The following NBPF12 variants were observed in gnomAD, a reference collection of about 807,000 sequenced individuals.
NBPF12 encodes the protein NBPF member 12.
A neutral mutation model predicts 146.4 loss-of-function variants in NBPF12; 115 were observed. The observed-to-expected ratio is 0.79, with a 90% CI of 0.68 to 0.92. The LOEUF (loss-of-function observed/expected upper bound fraction) is 0.92. Among genes scored for constraint, NBPF12 ranks in the 40% least tolerant of loss-of-function variants. The pLI is 0.00. For missense variants in NBPF12, 1,205 were observed against 1,326.8 expected, an observed-to-expected ratio of 0.91 and a Z score of 1.43; for synonymous variants, 385 against 508.9, an observed-to-expected ratio of 0.76 and a Z score of 3.28.
intron 19 of NBPF12, among the ~76,000 whole-genome samples, chr1:146,980,419 T>G (rs1257663886): frequency 6.6e-6 from 1 of 152,062 alleles, no homozygotes; most frequent in Non-Finnish European, 1.5e-5. Flanking sequence ...TCAATGGTCT[T>G]TAGAGTTTGG....
At chr1:146,948,185 A>G (rs1655155162), upstream of NBPF12, among the ~76,000 whole-genome samples, 1 of 151,728 alleles carries the variant, frequency 6.6e-6, no homozygotes, top group Non-Finnish European at 1.5e-5. Context: ...TAATGTTTGT[A>G]TTTTTGGTAG....
chr1:146,945,458 T>C (rs1655008565), upstream of NBPF12, among the ~76,000 whole-genome samples: 2 of 151,842 alleles, frequency 1.3e-5, no homozygotes, highest in Admixed American at 1.3e-4. Flanking sequence ...ACTGATCTGC[T>C]AGCTGTGTTC....
At position 146,991,363 on chromosome 1, in the gene NBPF12, C is replaced by T; in HGVS notation, c.3796+78C>T. On this transcript the variant is annotated intron_variant, in intron 30 of 33. Transcript: ENST00000617844. ...GGTGACATTCCTGTTCCAAGTGGCC[C>T]TTACTGACCCGAGAGACGTCATTGC... The T allele has an allele frequency of 2.2e-6, 2 of 897,166 alleles. 1 individual carries two copies. The highest frequency in any genetic ancestry group is 3.5e-6 in the Non-Finnish European group (2 of 575,916). 55.6% of individuals were successfully genotyped at this position (897,166 alleles called of 1,614,324 possible).
chr1:146,975,159 C>G (rs1656901699), intron 15 of NBPF12, among the ~76,000 whole-genome samples: 1 of 131,826 alleles, frequency 7.6e-6, no homozygotes, highest in Admixed American at 8.3e-5. Context: ...TGTGCCATCA[C>G]CATCCCACTT....
At chr1:146,949,470 A>AT (rs1314347780) in intron 1 of NBPF12, 48 bp downstream of exon 4, 1 of 128,126 alleles carries the variant, frequency 7.8e-6, no homozygotes, top group Non-Finnish European at 1.6e-5. Flanking sequence ...TGGTCGATTG[A>AT]TTGATTTTTT....
Position 146,951,243 on chromosome 1 carries a change from A to C in NBPF12, c.-325-105A>C. 3 of 672,094 alleles carry C rather than the reference A, an allele frequency of 4.5e-6. No homozygotes were observed. In the South Asian group the frequency reaches 4.9e-5, roughly 11 times the overall value. 41.6% of individuals were successfully genotyped at this position (672,094 alleles called of 1,614,324 possible). On this transcript the variant is annotated intron_variant, in intron 1 of 33. Transcript: ENST00000617844. The stretch of plus-strand genomic sequence containing the variant: ...TTCTCTCAGGCCACACAGGGCACTC[A>C]AGTGAACAGGGCATGGGGGCCCTGG...
chr1:146,941,338 G>A (rs1165949614), intron 1 of NBPF12, among the ~76,000 whole-genome samples: 1 of 151,912 alleles, frequency 6.6e-6, no homozygotes, highest in Admixed American at 6.6e-5. Context: ...ACCTGCCTCG[G>A]CCTCCCAAAG....
chr1:146,942,708 C>T (rs1471449719), intron 1 of NBPF12, among the ~76,000 whole-genome samples: 5 of 145,056 alleles, frequency 3.4e-5, no homozygotes, highest in African/African-American at 7.8e-5. Context: ...GCTTTTGTTA[C>T]TGCAGCATAA....
chr1:146,969,052 G>A (rs1366256039), intron 10 of NBPF12, among the ~76,000 whole-genome samples: 2 of 151,406 alleles, frequency 1.3e-5, no homozygotes, highest in African/African-American at 2.4e-5. Context: ...TGCACTATGT[G>A]TATTTTCACA....
chr1:146,987,708 TG>T (rs1657869876), intron 25 of NBPF12, among the ~76,000 whole-genome samples: 2 of 151,952 alleles, frequency 1.3e-5, no homozygotes, highest in Non-Finnish European at 2.9e-5. Context: ...TCTCTCAGTG[TG>T]TGCGTGTGTC....
At chr1:146,947,622 CT>C (rs1368821091), upstream of NBPF12, among the ~76,000 whole-genome samples, 3 of 122,036 alleles carry the variant, frequency 2.5e-5, no homozygotes, top group African/African-American at 9.6e-5. Context: ...CATTTTGTCA[CT>C]TCCCAAATTC....
At chr1:146,987,733 T>TG (rs1657874825) in intron 25 of NBPF12, among the ~76,000 whole-genome samples, 6 of 146,128 alleles carry the variant, frequency 4.1e-5, no homozygotes, top group South Asian at 2.1e-4. Context: ...GTGTGTGTGT[T>TG]TGTGTGTGTG....
At chr1:146,949,752 G>C (rs1655240676) in intron 1 of NBPF12, among the ~76,000 whole-genome samples, 1 of 151,056 alleles carries the variant, frequency 6.6e-6, no homozygotes, top group Admixed American at 6.6e-5. Flanking sequence ...CTTGTTTGTG[G>C]GGGACTGAGG....
exon 7 of NBPF12, chr1:146,964,407 G>A (rs1656058830): frequency 3.1e-6 from 5 of 1,601,736 alleles, no homozygotes; most frequent in Non-Finnish European, 4.3e-6. Flanking sequence ...GGATGAGAAA[G>A]TACTGGAATC....
At position 146,961,537 on chromosome 1, in the gene NBPF12, A is replaced by C. The variant is rs1270084705; in HGVS notation, c.176-624A>C. Among the ~76,000 whole-genome samples the C allele has an allele frequency of 1.1e-4, 17 of 151,932 alleles. 2 individuals are homozygous for C. Among genetic ancestry groups the C allele is most frequent in the Non-Finnish European group, 1.9e-4 (13 of 68,006 alleles). ...CTAAATTAACACAAACTAATCTTAT[A>C]CTGTTTCTAAATTAACACAACTAAT... is the stretch of plus-strand genomic sequence containing the variant. On this transcript the variant is annotated intron_variant, in intron 4 of 33. Transcript: ENST00000617844.
chr1:146,984,556 G>A (rs1421135478), intron 21 of NBPF12, among the ~76,000 whole-genome samples: 3 of 149,124 alleles, frequency 2.0e-5, no homozygotes, highest in African/African-American at 2.5e-5. Context: ...TGTGTCACCC[G>A]GCCAATTGAC....
intron 19 of NBPF12, among the ~76,000 whole-genome samples, chr1:146,980,380 C>A (rs1657295998): frequency 6.6e-6 from 1 of 151,816 alleles, no homozygotes; most frequent in Admixed American, 6.6e-5. Context: ...GTTATTTCAC[C>A]CGTTAGTTGA....
In NBPF12 at chr1:146,965,791, C is replaced by CAAAAAAAAAAAAAA. The variant is rs1162462110; in HGVS notation, c.779-657_779-644dup. ...TGGGAGACAGAGCGAGACTGCATCTCAAAAAAAAAAAAAAAAAAAAAAAAA... is the reference window on the plus strand; with the variant it reads ...TGGGAGACAGAGCGAGACTGCATCTCAAAAAAAAAAAAAAAAAAAAAAAAAAAAAAAAAAAAAAA... On this transcript the variant is annotated intron_variant, in intron 8 of 33. Transcript: ENST00000617844. Among the ~76,000 whole-genome samples the CAAAAAAAAAAAAAA allele has an allele frequency of 7.3e-4, 22 of 30,056 alleles. 5 individuals carry two copies. Among genetic ancestry groups the CAAAAAAAAAAAAAA allele is most frequent in the South Asian group, 3.4e-3 (1 of 290 alleles). 19.7% of individuals were successfully genotyped at this position (30,056 alleles called of 152,430 possible).
intron 2 of NBPF12, among the ~76,000 whole-genome samples, chr1:146,953,425 C>G (rs1655409362): frequency 7.4e-6 from 1 of 134,478 alleles, no homozygotes; most frequent in African/African-American, 2.9e-5. Flanking sequence ...AAGAGTGAAG[C>G]CTTCAATGCT....
Sources: allele counts gnomAD v4.1 joint callset (sites outside exome capture counted in the v4.1 genomes callset), GRCh38; gene constraint gnomAD v4.1.1; transcripts MANE v1.5; gene names NCBI Gene and HGNC (gene_info 2026-07-23, HGNC 2026-07-21).